Variants in ANKRD6 observed in about 807,000 individuals in gnomAD.
The protein encoded by ANKRD6 is ankyrin repeat domain 6.
In ANKRD6, 56 loss-of-function variants were observed where a neutral mutation model predicts 82.3. The observed-to-expected ratio is 0.68, with a 90% CI of 0.55 to 0.85. The LOEUF is 0.85. Among genes scored for constraint, ANKRD6 ranks in the 40% least tolerant of loss-of-function variants. The pLI is 0.00. For synonymous variants in ANKRD6, 347 were observed against 352.1 expected, an observed-to-expected ratio of 0.99 and a Z score of 0.16; for missense variants, 852 against 907.6, an observed-to-expected ratio of 0.94 and a Z score of 0.79.
At chr6:89,615,466 A>G (rs1232424325) in intron 7 of ANKRD6, among the ~76,000 whole-genome samples, 1 of 152,204 alleles carries the variant, frequency 6.6e-6, no homozygotes, top group Non-Finnish European at 1.5e-5. Flanking sequence ...GCAGCGTGTC[A>G]CGGCACTTGA....
intron 2 of ANKRD6, among the ~76,000 whole-genome samples, chr6:89,568,780 A>G (rs1789102633): frequency 6.6e-6 from 1 of 151,950 alleles, no homozygotes. Context: ...CCCCACTGGA[A>G]CCTGACCACG....
chr6:89,519,369 T>C (rs1169088315), intron 1 of ANKRD6, among the ~76,000 whole-genome samples: 1 of 152,190 alleles, frequency 6.6e-6, no homozygotes. Context: ...GGCCTGGTAG[T>C]ATAGATGGAT....
At chr6:89,581,509 A>G (rs1394888145) in intron 2 of ANKRD6, 1 of 152,362 alleles carries the variant, frequency 6.6e-6, no homozygotes, top group African/African-American at 2.4e-5. Context: ...GCCCTTCACC[A>G]TCTGAGCTCA....
Position 89,630,553 on chromosome 6 carries a change from T to C in ANKRD6, c.1733T>C (p.Leu578Pro). Residue 578 changes from leucine to proline, a missense_variant, in exon 16 of 16, where the codon CTG (leucine) becomes CCG (proline). By Grantham distance (98) the Leu-to-Pro change is moderately conservative. Transcript: ENST00000339746. ...STATQRLQQELSSSDCTGSRL... is the reference protein window; with the variant it reads ...STATQRLQQEPSSSDCTGSRL... Reference sequence around the variant, plus strand: ...GCTACCCAGAGACTCCAGCAGGAGCTGTCGTCTTCTGACTGTACAGGCTCC... The same window carrying C: ...GCTACCCAGAGACTCCAGCAGGAGCCGTCGTCTTCTGACTGTACAGGCTCC... The C allele has an allele frequency of 6.2e-7, 1 of 1,613,968 alleles. No individual in the cohort carries two copies. Among genetic ancestry groups the C allele is most frequent in the Non-Finnish European group, 8.5e-7 (1 of 1,179,838 alleles).
At chr6:89,505,882 C>T (rs1397507841) in intron 1 of ANKRD6, among the ~76,000 whole-genome samples, 1 of 152,174 alleles carries the variant, frequency 6.6e-6, no homozygotes, top group South Asian at 2.1e-4. Flanking sequence ...TATATTCATC[C>T]TTAATAAAGG....
At chr6:89,553,460 G>A (rs1364923753) in intron 1 of ANKRD6, among the ~76,000 whole-genome samples, 1 of 152,180 alleles carries the variant, frequency 6.6e-6, no homozygotes, top group Non-Finnish European at 1.5e-5. Context: ...ATCACAGTTG[G>A]TGTTTACTTC....
chr6:89,490,662 C>G (rs1777910815), intron 1 of ANKRD6, among the ~76,000 whole-genome samples: 1 of 152,174 alleles, frequency 6.6e-6, no homozygotes, highest in Non-Finnish European at 1.5e-5. Context: ...GGAGGCCCTG[C>G]TCTGGAAAAG....
chr6:89,571,496 A>G (rs1301915848), intron 2 of ANKRD6, among the ~76,000 whole-genome samples: 1 of 151,950 alleles, frequency 6.6e-6, no homozygotes, highest in African/African-American at 2.4e-5. Context: ...TAATCTGGTT[A>G]TTTGATTTTT....
At chr6:89,471,176 C>G (rs979247885) in intron 1 of ANKRD6, among the ~76,000 whole-genome samples, 3 of 151,834 alleles carry the variant, frequency 2.0e-5, no homozygotes, top group Non-Finnish European at 4.4e-5. Flanking sequence ...CATGGCAAAA[C>G]CCTTTCTGTA....
intron 2 of ANKRD6, among the ~76,000 whole-genome samples, chr6:89,571,681 C>T (rs936384141): frequency 3.3e-5 from 5 of 152,110 alleles, no homozygotes; most frequent in African/African-American, 1.2e-4. Flanking sequence ...CGTATTGCTC[C>T]CGCCCCTAAA....
At chr6:89,530,458 T>C (rs1012013993) in intron 1 of ANKRD6, among the ~76,000 whole-genome samples, 1 of 151,934 alleles carries the variant, frequency 6.6e-6, no homozygotes, top group East Asian at 1.9e-4. Flanking sequence ...CCAAATCTTA[T>C]TGATTAGGGA....
chr6:89,523,060 T>G (rs1782065897), intron 1 of ANKRD6, among the ~76,000 whole-genome samples: 1 of 152,144 alleles, frequency 6.6e-6, no homozygotes. Flanking sequence ...GCAGATTCCC[T>G]CCTGAGAGCT....
At chr6:89,465,639 T>A (rs574955530) in intron 1 of ANKRD6, among the ~76,000 whole-genome samples, 2 of 151,918 alleles carry the variant, frequency 1.3e-5, no homozygotes, top group Non-Finnish European at 2.9e-5. Flanking sequence ...GGTGGGAGGA[T>A]TGCTTGAAGC....
intron 2 of ANKRD6, among the ~76,000 whole-genome samples, chr6:89,579,756 C>CAAAAAAAAAAAA: frequency 1.5e-5 from 1 of 68,506 alleles, no homozygotes; most frequent in Non-Finnish European, 2.5e-5. Flanking sequence ...GACCCTGTCT[C>CAAAAAAAAAAAA]AAAAAAAAAA....
chr6:89,624,065 C>A lies in ANKRD6; in HGVS notation c.1218+8C>A. 6.2e-7 allele frequency: 1 copy of A among 1,604,568 alleles called. No homozygotes were observed. Among genetic ancestry groups the A allele is most frequent in the Admixed American group, 1.7e-5 (1 of 58,382 alleles). On this transcript the variant is annotated splice_region_variant and intron_variant, in intron 12 of 15. Transcript: ENST00000339746. ...GATGGGAAAGTGATGCAGGTACCTG[C>A]AAAGCAGTGTCAGGAGAAGGGAACA...
intron 1 of ANKRD6, among the ~76,000 whole-genome samples, chr6:89,520,133 A>G (rs1781719063): frequency 6.6e-6 from 1 of 152,108 alleles, no homozygotes. Context: ...ACAGGCATGC[A>G]CCACCATGCC....
At chr6:89,618,495 C>A (rs1353951790) in intron 9 of ANKRD6, 5 of 321,924 alleles carry the variant, frequency 1.6e-5, no homozygotes, top group Non-Finnish European at 5.7e-6. Context: ...TAAGTACAGT[C>A]TAGTTTTCTT....
Position 89,629,120 on chromosome 6 carries a change from G to A in ANKRD6, c.1494G>A (p.Leu498=). The part of the protein sequence containing the change: ...KHEGEKRQIS[L]VDELKTWCML... ...TTGTTTTTTTTTTTAAGATATCCTTGGTGGATGAATTAAAAACCTGGTGCA... is the reference window on the plus strand; with the variant it reads ...TTGTTTTTTTTTTTAAGATATCCTTAGTGGATGAATTAAAAACCTGGTGCA... Residue 498 remains leucine (L), a synonymous_variant, in exon 15 of 16, where the codon TTG becomes TTA. Coordinates refer to ENST00000339746, the MANE Select transcript of ANKRD6 (RefSeq NM_001242809.2). 1 of 1,611,594 alleles carries A rather than the reference G, an allele frequency of 6.2e-7. No homozygotes were observed. Among genetic ancestry groups the A allele is most frequent in the East Asian group, 2.2e-5 (1 of 44,812 alleles).
intron 1 of ANKRD6, among the ~76,000 whole-genome samples, chr6:89,523,023 T>C (rs1457278288): frequency 6.6e-6 from 1 of 152,180 alleles, no homozygotes; most frequent in Non-Finnish European, 1.5e-5. Context: ...TTCTGTGCCC[T>C]GGGTCAGCCT....
Sources: allele counts gnomAD v4.1 joint callset (sites outside exome capture counted in the v4.1 genomes callset), GRCh38; gene constraint gnomAD v4.1.1; transcripts MANE v1.5; gene names NCBI Gene and HGNC (gene_info 2026-07-23, HGNC 2026-07-21).